Variants in MDGA1 observed in about 807,000 individuals in gnomAD.
MDGA1 encodes the protein MAM domain-containing glycosylphosphatidylinositol anchor protein 1.
In MDGA1, 54 loss-of-function variants were observed where a neutral mutation model predicts 101.5. The ratio of observed to expected loss-of-function variants is 0.53; its 90% CI spans 0.43 to 0.67. The LOEUF (loss-of-function observed/expected upper bound fraction) is 0.67, where lower values mean the gene tolerates loss of function less well. Ranked by LOEUF, MDGA1 falls within the 30% of genes least tolerant of loss-of-function variation. MDGA1 has a pLI of 0.00. For synonymous variants in MDGA1, 533 were observed against 558.3 expected (o/e 0.95, Z 0.64); for missense variants, 1,083 against 1,323.8 (o/e 0.82, Z 2.82).
chr6:37,637,957 C>T (rs1242334974), intron 16 of MDGA1: 1 of 573,358 alleles, frequency 1.7e-6, no homozygotes, highest in East Asian at 2.9e-5. Context: ...ACAGGAGGCG[C>T]TCTGATACCG....
intron 1 of MDGA1, among the ~76,000 whole-genome samples, chr6:37,681,008 C>CA (rs1554136955): frequency 1.3e-5 from 2 of 150,336 alleles, no homozygotes; most frequent in African/African-American, 4.9e-5. Flanking sequence ...CCCCCCCCCC[C>CA]AGGAAACCTG....
Position 37,658,403 on chromosome 6 carries a change from G to T in MDGA1, c.224C>A (p.Thr75Lys). 6.2e-7 allele frequency: 1 copy of T among 1,609,564 alleles called. No individual in the cohort carries two copies. The highest frequency in any genetic ancestry group is 8.5e-7 in the Non-Finnish European group (1 of 1,178,146). ...HPRPQVRWTK[T>K]AGSASDKFQE... ...GAACTTGTCCGAGGCGCTACCTGCC[G>T]TCTTGGTCCACCGTACCTGGGCCGC... Residue 75 changes from threonine (T) to lysine (K), a missense_variant, in exon 3 of 17, where the codon ACG (threonine) becomes AAG (lysine). Physicochemically the swap from Thr to Lys is moderately conservative, Grantham distance 78 (BLOSUM62 -1). Coordinates refer to ENST00000434837, the MANE Select transcript of MDGA1 (RefSeq NM_153487.4).
At position 37,633,330 on chromosome 6, in the gene MDGA1, C is replaced by T. The variant is rs1194377404; in HGVS notation, c.*4038G>A. ...GACTCCGCTGAACCCTGAACCCAAC[C>T]TCAGCCAGTGGCTCTGCAGGGACTC... On this transcript the variant is annotated 3_prime_UTR_variant, in exon 17 of 17. Transcript: ENST00000434837. 1 of 152,282 alleles carries T rather than the reference C, an allele frequency of 6.6e-6. No individual in the cohort carries two copies. The highest frequency in any genetic ancestry group is 1.5e-5 in the Non-Finnish European group (1 of 68,132). The allele number at this position is 152,282 out of a possible 1,614,324, so 9.4% of individuals were successfully genotyped here. A position where few individuals can be genotyped will look rare whatever the true frequency, so the allele number is the denominator to read the frequency against.
At position 37,671,502 on chromosome 6, in the gene MDGA1, A is replaced by G. The variant is rs575388064; in HGVS notation, c.68-7396T>C. 3.9e-5 allele frequency among the ~76,000 whole-genome samples: 6 copies of G among 152,326 alleles called. No homozygotes were observed. The East Asian group carries it at 1.2e-3, about 29-fold the overall frequency. On this transcript the variant is annotated intron_variant, in intron 1 of 16. Coordinates refer to ENST00000434837, the MANE Select transcript of MDGA1 (RefSeq NM_153487.4). Reference sequence around the variant, plus strand: ...TGAGACATGTCACCCTTGGGGCAGCATCCTAATGAGCACAGCCGAGGCAGA... The same window carrying G: ...TGAGACATGTCACCCTTGGGGCAGCGTCCTAATGAGCACAGCCGAGGCAGA...
intron 3 of MDGA1, among the ~76,000 whole-genome samples, chr6:37,656,833 A>G (rs563393381): frequency 7.2e-4 from 109 of 152,314 alleles, no homozygotes; most frequent in Non-Finnish European, 1.2e-3. Flanking sequence ...TGACCCACCT[A>G]AGTCCCTTCT....
chr6:37,683,318 G>A (rs1408156995), intron 1 of MDGA1, among the ~76,000 whole-genome samples: 3 of 152,210 alleles, frequency 2.0e-5, no homozygotes, highest in Non-Finnish European at 4.4e-5. Context: ...AGAGTTTACA[G>A]CCTGGAATGG....
intron 14 of MDGA1, among the ~76,000 whole-genome samples, chr6:37,642,179 C>CTT (rs34171567): frequency 0.015 from 1,690 of 109,276 alleles, 34 homozygotes; most frequent in Non-Finnish European, 0.023. Context: ...TGGTTTCTTT[C>CTT]TTTTTTTTTT....
chr6:37,658,663 C>CA (rs1435443086), intron 2 of MDGA1, among the ~76,000 whole-genome samples: 1 of 152,208 alleles, frequency 6.6e-6, no homozygotes, highest in African/African-American at 2.4e-5. Flanking sequence ...ATGGGGCGCG[C>CA]AGTGCCGTGG....
At position 37,638,527 on chromosome 6, in the gene MDGA1, A is replaced by G. The variant is rs374043497; in HGVS notation, c.2667+10T>C. 1.4e-5 allele frequency: 23 copies of G among 1,613,464 alleles called. No individual in the cohort carries two copies. The highest frequency in any genetic ancestry group is 1.9e-5 in the Non-Finnish European group (23 of 1,179,782). On this transcript the variant is annotated intron_variant, in intron 15 of 16. Transcript: ENST00000434837. This position sits in a 1 kb window ranked among gnomAD's most constrained non-coding sequence, Gnocchi z 4.8. ...AGCCGGGGAGGGTCCTCTGGGCCCT[A>G]CGGACTCACCTGGAAGGGCCCACTG...
Position 37,652,141 on chromosome 6 carries a change from G to A in MDGA1, c.1182C>T (p.Pro394=), listed in dbSNP as rs375183901. 71 of 1,613,874 alleles carry A rather than the reference G, an allele frequency of 4.4e-5. No individual in the cohort carries two copies. Among genetic ancestry groups the A allele is most frequent in the African/African-American group, 4.4e-4 (33 of 75,052 alleles). Residue 394 remains proline, a synonymous_variant, in exon 7 of 17, where the codon CCC becomes CCT. Coordinates refer to ENST00000434837, the MANE Select transcript of MDGA1 (RefSeq NM_153487.4). This position sits in a 1 kb window ranked among gnomAD's most constrained non-coding sequence, Gnocchi z 4.3. The part of the protein sequence containing the change: ...LLVTRNDPEL[P]AVTSSLELID... ...TGAGCTCTAGGCTGCTGGTGACTGC[G>A]GGCAGCTCAGGATCATTGCGGGTCA...
chr6:37,695,688 T>G (rs1762401845), intron 1 of MDGA1, among the ~76,000 whole-genome samples: 1 of 152,188 alleles, frequency 6.6e-6, no homozygotes. Context: ...CAACCTCCCC[T>G]GGATCTAAAA....
intron 5 of MDGA1, 102 bp downstream of exon 5, chr6:37,654,698 A>G (rs1761442833): frequency 6.4e-7 from 1 of 1,552,370 alleles, no homozygotes. Flanking sequence ...GGGGCCAGAC[A>G]TTAGTGGCAG....
In MDGA1 at chr6:37,638,473, A is replaced by G; in HGVS notation, c.2667+64T>C. The stretch of plus-strand genomic sequence containing the variant: ...CCAGGAAGAAGGACAAGGTTTTCCT[A>G]AGTGTTTCCTGGCCACAGCAACCAC... On this transcript the variant is annotated intron_variant, in intron 15 of 16. Transcript: ENST00000434837. The surrounding 1 kb of genome is among the most constrained non-coding windows in gnomAD (Gnocchi z 4.8). 1 of 1,603,598 alleles carries G rather than the reference A, an allele frequency of 6.2e-7. No individual in the cohort carries two copies. Among genetic ancestry groups the G allele is most frequent in the Non-Finnish European group, 8.5e-7 (1 of 1,172,866 alleles).
intron 14 of MDGA1, among the ~76,000 whole-genome samples, 200 bp downstream of exon 14, chr6:37,643,609 T>C (rs561123234): frequency 8.5e-5 from 13 of 152,330 alleles, no homozygotes; most frequent in Non-Finnish European, 1.6e-4. Flanking sequence ...CAGGACACCC[T>C]GATCATCTCA....
chr6:37,641,023 G>A (rs972669221), intron 14 of MDGA1, among the ~76,000 whole-genome samples: 1 of 152,122 alleles, frequency 6.6e-6, no homozygotes, highest in Non-Finnish European at 1.5e-5. Context: ...ACTTCAATGT[G>A]CTCCTCTGCC....
rs1366558090 is a variant in MDGA1 at position 37,649,186 on chromosome 6, G to A, written c.1690C>T (p.Arg564Ter). 2.0e-6 allele frequency: 3 copies of A among 1,499,122 alleles called. No homozygotes were observed. The African/African-American group carries it at 4.3e-5, about 22-fold the overall frequency. 92.9% of individuals were successfully genotyped at this position (1,499,122 alleles called of 1,614,324 possible). Residue 564 changes from arginine (R) to a stop codon, truncating the protein, a stop_gained, in exon 9 of 17, where the codon CGA becomes TGA. Transcript: ENST00000434837. LOFTEE classifies it high-confidence loss of function. ...GAGGCGATGCGCTGGGGGCTGCCTCGCAGCAGCGAGCAGCGCAGGAGCACG... is the reference window on the plus strand; with the variant it reads ...GAGGCGATGCGCTGGGGGCTGCCTCACAGCAGCGAGCAGCGCAGGAGCACG... ...RPVLLRCSLLRGSPQRIASAV... is the reference protein window; with the variant it reads ...RPVLLRCSLL
chr6:37,659,156 C>T (rs1395472848), intron 2 of MDGA1, among the ~76,000 whole-genome samples: 2 of 152,056 alleles, frequency 1.3e-5, no homozygotes, highest in Admixed American at 6.6e-5. Flanking sequence ...AATGACTGCA[C>T]CCCTGCCTGA....
At chr6:37,645,357 A>C (rs1761165043) in intron 12 of MDGA1, among the ~76,000 whole-genome samples, 1 of 152,184 alleles carries the variant, frequency 6.6e-6, no homozygotes, top group African/African-American at 2.4e-5. Context: ...AACATGGTGA[A>C]ACCCCATCTC....
At chr6:37,694,210 G>T (rs1174630800) in intron 1 of MDGA1, among the ~76,000 whole-genome samples, 1 of 152,182 alleles carries the variant, frequency 6.6e-6, no homozygotes. Flanking sequence ...GCAATACTAG[G>T]CTTCCAGCCT....
Sources: allele counts gnomAD v4.1 joint callset (sites outside exome capture counted in the v4.1 genomes callset), GRCh38; gene constraint gnomAD v4.1.1; non-coding constraint Gnocchi (gnomAD v3.1); transcripts MANE v1.5; gene names NCBI Gene and HGNC (gene_info 2026-07-23, HGNC 2026-07-21).